The following ACAN variants were observed in gnomAD, a reference collection of about 807,000 sequenced individuals.
ACAN encodes the protein aggrecan core protein.
A neutral mutation model predicts 169.1 loss-of-function variants in ACAN; 47 were observed. That is an observed-to-expected ratio of 0.28 (90% CI 0.22 to 0.35). The LOEUF is 0.35. Ranked by LOEUF, ACAN falls within the 10% of genes least tolerant of loss-of-function variation. The probability of loss-of-function intolerance (pLI) is 1.00; values close to 1 mark genes in which losing one functional copy is unlikely to be tolerated. For missense variants in ACAN, 2,716 were observed against 2,759.9 expected (o/e 0.98, Z 0.36); for synonymous variants, 1,115 against 1,112.2 (o/e 1.00, Z -0.05).
rs577014364 is a variant in ACAN, at chr15:88,817,986, A to T, written c.-8+14177A>T. On this transcript the variant is annotated intron_variant, in intron 1 of 18. Transcript: ENST00000560601. ...TTCCTGTCTTTTTCCCATTGAATAG[A>T]TATACAGAAAAATAGAATGGAATTG... Among the ~76,000 whole-genome samples, 27 of 152,264 alleles carry T rather than the reference A, an allele frequency of 1.8e-4. No individual in the cohort carries two copies. The South Asian group carries it at 5.0e-3, about 28-fold the overall frequency.
At position 88,838,651 on chromosome 15, in the gene ACAN, T is replaced by C; in HGVS notation, c.71-12T>C. 6.4e-7 allele frequency: 1 copy of C among 1,560,974 alleles called. No homozygotes were observed. The highest frequency in any genetic ancestry group is 8.7e-7 in the Non-Finnish European group (1 of 1,150,368). ...TAACAGGTCTCTCTTCTACCCCACC[T>C]CTCCCACACAGACCATGACAACTCG... On this transcript the variant is annotated splice_polypyrimidine_tract_variant and intron_variant, in intron 2 of 18. Coordinates refer to ENST00000560601, the MANE Select transcript of ACAN (RefSeq NM_001369268.1). This position sits in a 1 kb window ranked among gnomAD's most constrained non-coding sequence, Gnocchi z 5.1.
intron 11 of ACAN, among the ~76,000 whole-genome samples, chr15:88,852,654 C>T (rs528590761): frequency 6.6e-6 from 1 of 152,330 alleles, no homozygotes; most frequent in Non-Finnish European, 1.5e-5. Flanking sequence ...TAACAGGTTT[C>T]CTCACTGCAG....
At position 88,859,006 on chromosome 15, in the gene ACAN, C is replaced by A. The variant is rs1233455548; in HGVS notation, c.6421C>A (p.Leu2141Ile). ...CACCTCTGCATTCCACGAAGCTAACCTTGAGAGATCCTCTGGCCTAGGAGT... is the reference window on the plus strand; with the variant it reads ...CACCTCTGCATTCCACGAAGCTAACATTGAGAGATCCTCTGGCCTAGGAGT... ...ETTSAFHEAN[L>I]ERSSGLGVSG... is the part of the protein sequence containing the mutation. Residue 2141 changes from leucine to isoleucine, a missense_variant, in exon 12 of 19, where the codon CTT becomes ATT. This residue lies in a region of ACAN where 1,389 missense variants were observed against 1,363.7 expected (regional missense o/e 1.02). Coordinates refer to ENST00000560601, the MANE Select transcript of ACAN (RefSeq NM_001369268.1). The A allele has an allele frequency of 3.1e-6, 5 of 1,613,970 alleles. No individual in the cohort carries two copies. Among genetic ancestry groups the A allele is most frequent in the Non-Finnish European group, 3.4e-6 (4 of 1,179,900 alleles).
chr15:88,848,141 CCT>C (rs1896841257), intron 9 of ACAN, 103 bp downstream of exon 9: 3 of 1,475,026 alleles, frequency 2.0e-6, no homozygotes, highest in Non-Finnish European at 2.7e-6. Flanking sequence ...CCCACCCACC[CCT>C]GATTCCACCC....
At chr15:88,813,623 G>T (rs1330367198) in intron 1 of ACAN, among the ~76,000 whole-genome samples, 1 of 152,188 alleles carries the variant, frequency 6.6e-6, no homozygotes, top group Admixed American at 6.5e-5. Flanking sequence ...ACCACCTTTG[G>T]GGCCTTATCA....
chr15:88,827,988 A>T (rs895307691), intron 1 of ACAN, among the ~76,000 whole-genome samples: 1 of 152,104 alleles, frequency 6.6e-6, no homozygotes, highest in Non-Finnish European at 1.5e-5. Flanking sequence ...ACCCATGCAC[A>T]CATCCCTTAA....
chr15:88,850,043 AT>A, intron 10 of ACAN: 1 of 597,066 alleles, frequency 1.7e-6, no homozygotes, highest in Non-Finnish European at 3.0e-6. Flanking sequence ...AAATGGAGAT[AT>A]AATGGTTCCT....
chr15:88,806,740 G>A (rs1020217869), intron 1 of ACAN, among the ~76,000 whole-genome samples: 3 of 152,106 alleles, frequency 2.0e-5, no homozygotes, highest in Non-Finnish European at 2.9e-5. Flanking sequence ...TGAGCCAAAG[G>A]AAGCCCATGA....
At position 88,871,517 on chromosome 15, in the gene ACAN, C is replaced by G. The variant is rs770628724; in HGVS notation, c.7196C>G (p.Pro2399Arg). 2.5e-6 allele frequency: 4 copies of G among 1,613,378 alleles called. No individual in the cohort carries two copies. The highest frequency in any genetic ancestry group is 2.5e-6 in the Non-Finnish European group (3 of 1,179,700). Reference sequence around the variant, plus strand: ...TCACACCTGAGCAGCATCGTCACCCCCGAGGAGCAGGAGTTTGTCAACAGT... The same window carrying G: ...TCACACCTGAGCAGCATCGTCACCCGCGAGGAGCAGGAGTTTGTCAACAGT... Reference protein sequence around the residue: ...QQSHLSSIVTPEEQEFVNNNA... With the variant: ...QQSHLSSIVTREEQEFVNNNA... The change falls in exon 15 of 19, where the codon CCC becomes CGC. Residue 2399 changes from proline (P) to arginine (R), a missense_variant. By Grantham distance (103) the Pro-to-Arg change is moderately radical. Transcript: ENST00000560601. The surrounding 1 kb of genome is among the most constrained non-coding windows in gnomAD (Gnocchi z 7.8).
Position 88,839,033 on chromosome 15 carries a change from A to G in ACAN, c.441A>G (p.Glu147=), listed in dbSNP as rs571646418. ...HGIEDSEATL[E]VVVKGIVFHY... ...TCGAGGACAGCGAGGCCACCCTGGA[A>G]GTCGTGGTGAAAGGTGAGAGCCTCC... Residue 147 remains glutamate, a synonymous_variant, in exon 3 of 19, where the codon GAA becomes GAG. Transcript: ENST00000560601. The surrounding 1 kb of genome is among the most constrained non-coding windows in gnomAD (Gnocchi z 4.5). The G allele has an allele frequency of 4.4e-6, 7 of 1,603,322 alleles. No homozygotes were observed. In the African/African-American group the frequency reaches 9.3e-5, roughly 21 times the overall value.
Position 88,874,777 on chromosome 15 carries a change from G to A in ACAN, c.*296G>A, listed in dbSNP as rs1412067080. ...TCGTGCCTTTCCAGGGACCAGTGCAGGGACAGGGGGAGAAGGGGAGGGGTT... is the reference window on the plus strand; with the variant it reads ...TCGTGCCTTTCCAGGGACCAGTGCAAGGACAGGGGGAGAAGGGGAGGGGTT... On this transcript the variant is annotated 3_prime_UTR_variant, in exon 19 of 19. Transcript: ENST00000560601. This position sits in a 1 kb window ranked among gnomAD's most constrained non-coding sequence, Gnocchi z 7.3. 5 of 456,820 alleles carry A rather than the reference G, an allele frequency of 1.1e-5. No homozygotes were observed. Among genetic ancestry groups the A allele is most frequent in the Non-Finnish European group, 1.6e-5 (4 of 245,816 alleles). The allele number at this position is 456,820 out of a possible 1,614,324, so 28.3% of individuals were successfully genotyped here.
Position 88,843,272 on chromosome 15 carries a change from T to A in ACAN, c.758-83T>A. ...AAGTTAAAGGACTCCCAAGACCTCG[T>A]GGAAAAGTGTGGATCTCTCTGGGGA... On this transcript the variant is annotated intron_variant, in intron 5 of 18. Transcript: ENST00000560601. The surrounding 1 kb of genome is among the most constrained non-coding windows in gnomAD (Gnocchi z 4.0). 3.0e-6 allele frequency: 4 copies of A among 1,332,472 alleles called. No homozygotes were observed. Among genetic ancestry groups the A allele is most frequent in the Non-Finnish European group, 4.0e-6 (4 of 1,003,216 alleles). 82.5% of individuals were successfully genotyped at this position (1,332,472 alleles called of 1,614,324 possible).
Position 88,866,073 on chromosome 15 carries a change from C to T in ACAN, c.6947-2143C>T, listed in dbSNP as rs917868421. On this transcript the variant is annotated intron_variant, in intron 13 of 18. Transcript: ENST00000560601. The surrounding 1 kb of genome is among the most constrained non-coding windows in gnomAD (Gnocchi z 5.6). Reference sequence around the variant, plus strand: ...CCCCGCAGCCTTCTCAGATTTTGTGCCCTGGTCAAACACAGAAAGAAAGCA... The same window carrying T: ...CCCCGCAGCCTTCTCAGATTTTGTGTCCTGGTCAAACACAGAAAGAAAGCA... Among the ~76,000 whole-genome samples, 1 of 152,156 alleles carries T rather than the reference C, an allele frequency of 6.6e-6. No homozygotes were observed. The highest frequency in any genetic ancestry group is 1.5e-5 in the Non-Finnish European group (1 of 68,026).
At chr15:88,821,741 C>T (rs1025573194) in intron 1 of ACAN, among the ~76,000 whole-genome samples, 1 of 152,106 alleles carries the variant, frequency 6.6e-6, no homozygotes, top group Admixed American at 6.5e-5. Flanking sequence ...TCCACTCAGC[C>T]AACACTGAAC....
chr15:88,859,216 G>T lies in ACAN; in HGVS notation c.6631G>T (p.Val2211Phe). The T allele has an allele frequency of 6.2e-7, 1 of 1,613,912 alleles. No individual in the cohort carries two copies. Among genetic ancestry groups the T allele is most frequent in the South Asian group, 1.1e-5 (1 of 91,076 alleles). ...GTCTGGTCACACCTCGCAGCTGGGC[G>T]TTGTCATCAGCACCAGCATCCCAGA... is the stretch of plus-strand genomic sequence containing the variant. ...DLSGHTSQLG[V>F]VISTSIPESE... is the part of the protein sequence containing the mutation. Residue 2211 changes from valine (V) to phenylalanine (F), a missense_variant, in exon 12 of 19, where the codon GTT becomes TTT. Val to Phe is a conservative substitution (Grantham distance 50). This residue lies in a region of ACAN where 1,389 missense variants were observed against 1,363.7 expected (regional missense o/e 1.02). Transcript: ENST00000560601.
chr15:88,864,232 G>T (rs1342239623), intron 13 of ACAN, among the ~76,000 whole-genome samples: 1 of 151,500 alleles, frequency 6.6e-6, no homozygotes, highest in Non-Finnish European at 1.5e-5. Context: ...AAATACAAAA[G>T]ATTTGAAATA....
chr15:88,871,965 G>T lies in ACAN; in HGVS notation c.7220-38G>T. 1.3e-6 allele frequency: 2 copies of T among 1,563,084 alleles called. No homozygotes were observed. Among genetic ancestry groups the T allele is most frequent in the Non-Finnish European group, 8.8e-7 (1 of 1,132,936 alleles). On this transcript the variant is annotated intron_variant, in intron 15 of 18. Coordinates refer to ENST00000560601, the MANE Select transcript of ACAN (RefSeq NM_001369268.1). The surrounding 1 kb of genome is among the most constrained non-coding windows in gnomAD (Gnocchi z 7.8). ...CAAGTTTCTCAGACACCCTCAGGGT[G>T]TCCAGTGTGATGCCTGACACCCTCA...
At chr15:88,846,186 C>T (rs1896788618) in intron 7 of ACAN, among the ~76,000 whole-genome samples, 1 of 152,186 alleles carries the variant, frequency 6.6e-6, no homozygotes, top group African/African-American at 2.4e-5. Context: ...CAACTGGGCT[C>T]CTTCTGTCCA....
At chr15:88,824,951 G>A (rs1170092889) in intron 1 of ACAN, among the ~76,000 whole-genome samples, 6 of 152,084 alleles carry the variant, frequency 3.9e-5, no homozygotes, top group Admixed American at 3.9e-4. Context: ...GAGGGATAGG[G>A]GAGCAGGGTG....
Sources: gnomAD v4.1 joint callset for allele counts (sites outside exome capture counted in the v4.1 genomes callset) on GRCh38, gnomAD v4.1.1 for gene constraint, gnomAD v4.1.1 regional missense constraint, Gnocchi (gnomAD v3.1) non-coding constraint, MANE v1.5 for transcripts, NCBI Gene and HGNC (gene_info 2026-07-23, HGNC 2026-07-21) for gene names.